CNBD1: variants seen among roughly 807,000 people sequenced by gnomAD.
CNBD1 encodes cyclic nucleotide binding domain containing 1, also known as cyclic nucleotide-binding domain-containing protein 1.
Under a neutral mutation model 54.4 loss-of-function variants are expected in CNBD1, and 71 were observed. That is an observed-to-expected ratio of 1.30 (90% CI 1.08 to 1.59). The LOEUF (loss-of-function observed/expected upper bound fraction) is 1.59. Among genes scored for constraint, CNBD1 ranks in the 40% most tolerant of loss-of-function variants. The pLI, the probability that CNBD1 is intolerant of heterozygous loss-of-function variation, is 0.00. For synonymous variants in CNBD1, 182 were observed against 170.7 expected (o/e 1.07, Z -0.51); for missense variants, 659 against 518.0 (o/e 1.27, Z -2.64).
At chr8:87,416,595 T>C (rs1807840306) in intron 2 of CNBD1, among the ~76,000 whole-genome samples, 1 of 152,026 alleles carries the variant, frequency 6.6e-6, no homozygotes, top group South Asian at 2.1e-4. Context: ...CATCCTTCTC[T>C]TACATGTCTG....
At chr8:87,160,462 C>A (rs140662002) in intron 4 of CNBD1, among the ~76,000 whole-genome samples, 1 of 152,000 alleles carries the variant, frequency 6.6e-6, no homozygotes. Flanking sequence ...TCTATGACTT[C>A]GTTTGTTTCA....
chr8:87,206,756 C>T (rs2130797970), intron 5 of CNBD1, among the ~76,000 whole-genome samples: 1 of 152,234 alleles, frequency 6.6e-6, no homozygotes, highest in African/African-American at 2.4e-5. Flanking sequence ...TAATTTAATA[C>T]ATTCTTTATG....
intron 4 of CNBD1, among the ~76,000 whole-genome samples, chr8:86,967,267 A>G (rs1050584852): frequency 2.6e-5 from 4 of 152,246 alleles, no homozygotes; most frequent in African/African-American, 7.2e-5. Flanking sequence ...CACACCCAGG[A>G]AGGCAGATCT....
intron 2 of CNBD1, among the ~76,000 whole-genome samples, chr8:86,894,352 C>T (rs537225682): frequency 3.6e-4 from 55 of 152,116 alleles, no homozygotes; most frequent in East Asian, 1.5e-3. Flanking sequence ...TGAGCCACCG[C>T]GCCCGGCCAA....
At chr8:86,998,479 A>G (rs1313385859) in intron 4 of CNBD1, among the ~76,000 whole-genome samples, 1 of 152,154 alleles carries the variant, frequency 6.6e-6, no homozygotes, top group African/African-American at 2.4e-5. Context: ...ATGAGAGCTG[A>G]AGAAGAAGGC....
chr8:87,329,256 G>C (rs561697881), intron 8 of CNBD1, among the ~76,000 whole-genome samples: 1 of 152,016 alleles, frequency 6.6e-6, no homozygotes, highest in African/African-American at 2.4e-5. Context: ...GGCTTACATT[G>C]ATCTATTTAT....
intron 4 of CNBD1, among the ~76,000 whole-genome samples, chr8:87,189,291 GAAGTACCTTGCCTA>G (rs949280357): frequency 7.9e-5 from 12 of 152,124 alleles, no homozygotes; most frequent in African/African-American, 2.9e-4. Flanking sequence ...GCTCTTTGAT[GAAGTACCTTGCCTA>G]AGGATTTTCA....
intron 1 of CNBD1, among the ~76,000 whole-genome samples, chr8:86,879,932 A>G (rs1003749465): frequency 6.6e-6 from 1 of 152,128 alleles, no homozygotes. Flanking sequence ...GTGGTGTTCA[A>G]TGAGGTCACA....
downstream of CNBD1, among the ~76,000 whole-genome samples, chr8:87,385,892 A>T (rs1428421512): frequency 4.6e-5 from 7 of 152,162 alleles, no homozygotes; most frequent in East Asian, 1.4e-3. Flanking sequence ...GACAACTCAC[A>T]TGGCCGGGTA....
chr8:87,045,848 T>C (rs928785576), intron 4 of CNBD1, among the ~76,000 whole-genome samples: 1 of 151,754 alleles, frequency 6.6e-6, no homozygotes, highest in African/African-American at 2.4e-5. Flanking sequence ...GAGACCATCC[T>C]GGCGAACATC....
intron 2 of CNBD1, among the ~76,000 whole-genome samples, chr8:87,390,982 A>C (rs966331057): frequency 2.0e-5 from 3 of 152,090 alleles, no homozygotes; most frequent in Non-Finnish European, 4.4e-5. Context: ...TCAGCAAACT[A>C]TCACAAGGAC....
In CNBD1 at chr8:87,291,650, T is replaced by G. The variant is rs116143776; in HGVS notation, c.1042+4979T>G. On this transcript the variant is annotated intron_variant, in intron 8 of 10. Coordinates refer to ENST00000518476, the MANE Select transcript of CNBD1 (RefSeq NM_173538.3). ...TTATTTTGTTAATCGCCTTATTTTT[T>G]GGGGTGAGGGGGCACAGGGGACAAG... 3.7e-3 allele frequency among the ~76,000 whole-genome samples: 565 copies of G among 152,188 alleles called. 3 individuals carry two copies. Among genetic ancestry groups the G allele is most frequent in the African/African-American group, 0.013 (520 of 41,510 alleles).
intron 2 of CNBD1, among the ~76,000 whole-genome samples, chr8:87,389,988 G>A (rs1237358073): frequency 1.4e-5 from 2 of 144,038 alleles, no homozygotes; most frequent in East Asian, 3.9e-4. Flanking sequence ...AGAAAAACAA[G>A]CAATGGGGAA....
intron 4 of CNBD1, among the ~76,000 whole-genome samples, chr8:86,951,553 C>T (rs542391307): frequency 4.6e-4 from 50 of 109,528 alleles, no homozygotes; most frequent in African/African-American, 1.7e-3. Context: ...GCACTCCAGC[C>T]TGGGTGACAG....
chr8:87,058,688 C>T (rs1810477726), intron 4 of CNBD1, among the ~76,000 whole-genome samples: 1 of 152,138 alleles, frequency 6.6e-6, no homozygotes, highest in Non-Finnish European at 1.5e-5. Flanking sequence ...GCTGGAGTGG[C>T]TGATATGCAG....
At chr8:87,230,899 T>C (rs193125280) in intron 5 of CNBD1, among the ~76,000 whole-genome samples, 18 of 152,340 alleles carry the variant, frequency 1.2e-4, no homozygotes, top group African/African-American at 4.3e-4. Context: ...GTGAAAGGTA[T>C]ACTTAGAGTT....
intron 4 of CNBD1, among the ~76,000 whole-genome samples, chr8:87,127,582 A>C (rs1005108554): frequency 6.6e-6 from 1 of 152,132 alleles, no homozygotes; most frequent in African/African-American, 2.4e-5. Context: ...CTCCATGGAC[A>C]ATTATGTTGT....
intron 4 of CNBD1, among the ~76,000 whole-genome samples, chr8:87,204,920 A>C (rs891869915): frequency 1.3e-5 from 2 of 151,934 alleles, no homozygotes; most frequent in African/African-American, 4.8e-5. Flanking sequence ...TTTTCTCAAA[A>C]CTATTTCTCA....
intron 4 of CNBD1, among the ~76,000 whole-genome samples, chr8:86,994,515 C>T (rs1311650561): frequency 6.6e-6 from 1 of 152,240 alleles, no homozygotes; most frequent in Admixed American, 6.5e-5. Flanking sequence ...CCATCTGTCT[C>T]TGCCTACTCT....
Sources: gnomAD v4.1 joint callset for allele counts (sites outside exome capture counted in the v4.1 genomes callset) on GRCh38, gnomAD v4.1.1 for gene constraint, MANE v1.5 for transcripts, NCBI Gene and HGNC (gene_info 2026-07-23, HGNC 2026-07-21) for gene names.